CDH13: variants seen among roughly 807,000 people sequenced by gnomAD.
CDH13 encodes cadherin-13.
In CDH13, 24 loss-of-function variants were observed where a neutral mutation model predicts 63.8. The ratio of observed to expected loss-of-function variants is 0.38; its 90% CI spans 0.27 to 0.53. The LOEUF (loss-of-function observed/expected upper bound fraction) is 0.53. Among genes scored for constraint, CDH13 ranks in the 20% least tolerant of loss-of-function variants. The probability of loss-of-function intolerance (pLI) is 0.85; values close to 1 mark genes in which losing one functional copy is unlikely to be tolerated. For missense variants in CDH13, 1,049 were observed against 903.1 expected (o/e 1.16, Z -2.07); for synonymous variants, 503 against 355.3 (o/e 1.42, Z -4.67).
At chr16:83,103,177 T>C (rs1239004716) in intron 3 of CDH13, among the ~76,000 whole-genome samples, 1 of 150,300 alleles carries the variant, frequency 6.7e-6, no homozygotes, top group East Asian at 2.0e-4. Flanking sequence ...GGTCTCAAAC[T>C]CCTGATCTCA....
intron 6 of CDH13, among the ~76,000 whole-genome samples, chr16:83,482,149 G>T (rs1434675647): frequency 6.6e-6 from 1 of 152,172 alleles, no homozygotes; most frequent in Non-Finnish European, 1.5e-5. Context: ...CTTCTTGGAA[G>T]ACAAGGTACT....
chr16:82,967,812 C>A (rs1188430893), intron 2 of CDH13, among the ~76,000 whole-genome samples: 1 of 152,206 alleles, frequency 6.6e-6, no homozygotes, highest in African/African-American at 2.4e-5. Context: ...GGACCACTTA[C>A]AGAGGGTGGT....
At chr16:82,702,552 C>G (rs1254633084) in intron 1 of CDH13, among the ~76,000 whole-genome samples, 1 of 152,158 alleles carries the variant, frequency 6.6e-6, no homozygotes, top group Non-Finnish European at 1.5e-5. Flanking sequence ...TGATTCCCAT[C>G]AGATGAACAA....
intron 7 of CDH13, among the ~76,000 whole-genome samples, chr16:83,491,981 G>C (rs2074024440): frequency 6.6e-6 from 1 of 152,256 alleles, no homozygotes; most frequent in African/African-American, 2.4e-5. Context: ...AGATATTCAA[G>C]AGTCCTTGAA....
At chr16:82,856,624 C>T (rs1007712072) in intron 1 of CDH13, among the ~76,000 whole-genome samples, 4 of 126,640 alleles carry the variant, frequency 3.2e-5, no homozygotes, top group Non-Finnish European at 4.7e-5. Flanking sequence ...ATCGCTTGAG[C>T]CCAGGAGGTT....
rs184502266 is a variant in CDH13, at chr16:83,587,557, G to A, written c.961-14897G>A. On this transcript the variant is annotated intron_variant, in intron 7 of 13. Transcript: ENST00000567109. ...TTAAAAGCATTACCTTCTGCTGCGT[G>A]ATTAGAAAACATACAGAGAGTGCCG... 2.8e-3 allele frequency among the ~76,000 whole-genome samples: 427 copies of A among 152,264 alleles called. 6 individuals are homozygous for A. The highest frequency in any genetic ancestry group is 9.8e-4 in the Non-Finnish European group (67 of 68,030).
At chr16:83,355,144 G>C (rs1446428588) in intron 6 of CDH13, among the ~76,000 whole-genome samples, 1 of 152,164 alleles carries the variant, frequency 6.6e-6, no homozygotes, top group African/African-American at 2.4e-5. Flanking sequence ...TGTGGAGAGA[G>C]AAATAGGGAA....
intron 1 of CDH13, among the ~76,000 whole-genome samples, chr16:82,731,571 T>G (rs1241159455): frequency 6.6e-6 from 1 of 152,222 alleles, no homozygotes; most frequent in Non-Finnish European, 1.5e-5. Context: ...AAATTCTGAC[T>G]TAGGTCATTG....
chr16:83,424,183 G>A (rs1237573885), intron 6 of CDH13, among the ~76,000 whole-genome samples: 4 of 151,744 alleles, frequency 2.6e-5, no homozygotes, highest in Admixed American at 6.6e-5. Context: ...AATCTAACAC[G>A]TACTGAACAG....
At chr16:83,270,376 T>A (rs1354792236) in intron 5 of CDH13, among the ~76,000 whole-genome samples, 2 of 152,224 alleles carry the variant, frequency 1.3e-5, no homozygotes, top group African/African-American at 4.8e-5. Flanking sequence ...TGCAATAATA[T>A]GCCCACGAGG....
chr16:83,222,765 G>A (rs1026331425), intron 5 of CDH13, among the ~76,000 whole-genome samples: 22 of 152,040 alleles, frequency 1.4e-4, no homozygotes, highest in African/African-American at 4.6e-4. Context: ...AAGAGTACAG[G>A]TAGCCATTAG....
chr16:83,473,576 G>C (rs1236908116), intron 6 of CDH13, among the ~76,000 whole-genome samples: 1 of 152,148 alleles, frequency 6.6e-6, no homozygotes, highest in Non-Finnish European at 1.5e-5. Flanking sequence ...TACAACTCAA[G>C]GATATAGGTC....
chr16:82,813,467 G>C (rs1047963105), intron 1 of CDH13, among the ~76,000 whole-genome samples: 3 of 152,122 alleles, frequency 2.0e-5, no homozygotes, highest in African/African-American at 7.2e-5. Flanking sequence ...TGCATCAAAG[G>C]GCTCAGAAGT....
chr16:83,055,937 AT>A (rs2030881738), intron 3 of CDH13, among the ~76,000 whole-genome samples: 1 of 152,166 alleles, frequency 6.6e-6, no homozygotes, highest in Non-Finnish European at 1.5e-5. Flanking sequence ...TGGAAAAAAA[AT>A]CTTTGTAATA....
At chr16:82,920,750 C>T (rs535882281) in intron 2 of CDH13, among the ~76,000 whole-genome samples, 2 of 152,320 alleles carry the variant, frequency 1.3e-5, no homozygotes, top group South Asian at 4.1e-4. Flanking sequence ...TTAGAGCCTT[C>T]TTTACAAAAT....
intron 1 of CDH13, among the ~76,000 whole-genome samples, chr16:82,708,853 CTG>C (rs1356477976): frequency 6.6e-6 from 1 of 152,194 alleles, no homozygotes; most frequent in Non-Finnish European, 1.5e-5. Context: ...AGAAAGTACT[CTG>C]TGGAGCTGAC....
intron 8 of CDH13, among the ~76,000 whole-genome samples, chr16:83,624,909 T>C (rs1375558244): frequency 6.6e-6 from 1 of 152,178 alleles, no homozygotes; most frequent in African/African-American, 2.4e-5. Flanking sequence ...GATTTGCATG[T>C]GAAAAGCTGG....
intron 2 of CDH13, among the ~76,000 whole-genome samples, chr16:82,933,513 C>T (rs1180036145): frequency 6.6e-6 from 1 of 152,136 alleles, no homozygotes; most frequent in African/African-American, 2.4e-5. Flanking sequence ...CTGCCACTTG[C>T]CCCTCTCAAA....
At chr16:82,948,833 A>G (rs554829624) in intron 2 of CDH13, among the ~76,000 whole-genome samples, 136 of 152,310 alleles carry the variant, frequency 8.9e-4, no homozygotes, top group Middle Eastern at 6.8e-3. Context: ...ATGATTGTAG[A>G]GTATTAATTA....
Sources: gnomAD v4.1 joint callset for allele counts (sites outside exome capture counted in the v4.1 genomes callset) on GRCh38, gnomAD v4.1.1 for gene constraint, MANE v1.5 for transcripts, NCBI Gene and HGNC (gene_info 2026-07-23, HGNC 2026-07-21) for gene names.